Variants in TRPM4 observed in about 807,000 individuals in gnomAD.
TRPM4 encodes the protein calcium-activated non-selective cation channel 1.
In TRPM4, 124 loss-of-function variants were observed where a neutral mutation model predicts 135.6. The observed-to-expected ratio is 0.91, with a 90% CI of 0.79 to 1.06. The LOEUF (loss-of-function observed/expected upper bound fraction) is 1.06, where lower values mean the gene tolerates loss of function less well. Among genes scored for constraint, TRPM4 ranks in the 50% least tolerant of loss-of-function variants. The probability of loss-of-function intolerance (pLI) is 0.00; values close to 1 mark genes in which losing one functional copy is unlikely to be tolerated. For synonymous variants in TRPM4, 745 were observed against 705.6 expected (o/e 1.06, Z -0.88); for missense variants, 1,658 against 1,671.4 (o/e 0.99, Z 0.14).
intron 2 of TRPM4, among the ~76,000 whole-genome samples, chr19:49,164,233 CTCTCTT>C (rs1469666047): frequency 1.5e-4 from 22 of 150,244 alleles, no homozygotes; most frequent in South Asian, 8.4e-4. Flanking sequence ...TCTTTTCTCT[CTCTCTT>C]TCTTTCTTTC....
At chr19:49,205,701 A>G (rs982078871) in intron 20 of TRPM4, among the ~76,000 whole-genome samples, 7 of 151,250 alleles carry the variant, frequency 4.6e-5, no homozygotes, top group African/African-American at 1.5e-4. Context: ...ATACACAGCT[A>G]ATTTTTGTAT....
At chr19:49,157,972 C>T in intron 1 of TRPM4, 82 bp downstream of exon 1, 2 of 1,473,294 alleles carry the variant, frequency 1.4e-6, no homozygotes, top group Non-Finnish European at 1.8e-6. Flanking sequence ...CGCTGGACAC[C>T]CAGATTCCTG....
intron 17 of TRPM4, among the ~76,000 whole-genome samples, chr19:49,197,312 CTTTCTTTCTTTCTT>C (rs1968704453): frequency 2.1e-5 from 1 of 48,248 alleles, no homozygotes; most frequent in Non-Finnish European, 3.9e-5. Context: ...CTTTCTTTTT[CTTTCTTTCTTTCTT>C]TCTTTCTTTC....
rs1968312955 is a variant in TRPM4, at chr19:49,189,100, C to T, written c.2019+9C>T. The T allele has an allele frequency of 6.2e-7, 1 of 1,614,086 alleles. No homozygotes were observed. Among genetic ancestry groups the T allele is most frequent in the Non-Finnish European group, 8.5e-7 (1 of 1,180,012 alleles). ...CCCAGGATGGGGTACAGGTGAGTAT[C>T]TGCGACACCAACATCCCAAACAGTC... On this transcript the variant is annotated intron_variant, in intron 14 of 24. Transcript: ENST00000252826.
At chr19:49,172,541 C>A (rs1256783082) in intron 9 of TRPM4, among the ~76,000 whole-genome samples, 2 of 149,684 alleles carry the variant, frequency 1.3e-5, no homozygotes, top group East Asian at 4.1e-4. Flanking sequence ...CAATTCCATT[C>A]AGTCATTCTT....
intron 3 of TRPM4, among the ~76,000 whole-genome samples, chr19:49,167,479 G>A (rs1216302300): frequency 1.2e-4 from 15 of 121,736 alleles, no homozygotes; most frequent in African/African-American, 4.7e-4. Context: ...ATCTCTCTGG[G>A]TCTCTGTCCC....
At chr19:49,197,529 A>G (rs1476361922) in intron 17 of TRPM4, among the ~76,000 whole-genome samples, 1 of 110,508 alleles carries the variant, frequency 9.0e-6, no homozygotes, top group Non-Finnish European at 1.8e-5. Flanking sequence ...GCTTCCTTCC[A>G]TCCCTCCAAG....
chr19:49,182,481 C>CA, intron 10 of TRPM4, 97 bp from the exon 11 acceptor site: 1 of 892,154 alleles, frequency 1.1e-6, no homozygotes, highest in South Asian at 1.4e-5. Context: ...TCCATCCATC[C>CA]ATCCATCCAT....
At chr19:49,165,653 G>A (rs992728483) in intron 2 of TRPM4, among the ~76,000 whole-genome samples, 3 of 152,170 alleles carry the variant, frequency 2.0e-5, no homozygotes, top group African/African-American at 7.2e-5. Context: ...TCAGCCCCGA[G>A]CATGCGGGCT....
intron 14 of TRPM4, among the ~76,000 whole-genome samples, chr19:49,189,910 C>G (rs1161045463): frequency 6.6e-6 from 1 of 152,088 alleles, no homozygotes; most frequent in Non-Finnish European, 1.5e-5. Flanking sequence ...CTCATGTGTA[C>G]CAAGGAGGAG....
At chr19:49,204,552 T>C (rs1426537580) in intron 20 of TRPM4, among the ~76,000 whole-genome samples, 5 of 150,514 alleles carry the variant, frequency 3.3e-5, no homozygotes, top group East Asian at 2.0e-4. Context: ...CTGGGCAACA[T>C]AGCGAGGCTG....
chr19:49,163,768 TGTGC>T (rs1404159262), intron 2 of TRPM4, among the ~76,000 whole-genome samples: 1 of 152,212 alleles, frequency 6.6e-6, no homozygotes, highest in Non-Finnish European at 1.5e-5. Flanking sequence ...GTGCTTGGAT[TGTGC>T]CCAGCCGTCC....
In TRPM4 at chr19:49,211,607, GC is replaced by G; in HGVS notation, c.*113del. 7.0e-7 allele frequency: 1 copy of G among 1,425,136 alleles called. No homozygotes were observed. The allele number at this position is 1,425,136 out of a possible 1,614,324, so 88.3% of individuals were successfully genotyped here. ...CCTGGTGGCCTTGTCCTTGAGGTGA[GC>G]CCCATGTCCATCTGGGCCACTGTCA... is the stretch of plus-strand genomic sequence containing the variant. On this transcript the variant is annotated 3_prime_UTR_variant, in exon 25 of 25. Coordinates refer to ENST00000252826, the MANE Select transcript of TRPM4 (RefSeq NM_017636.4). This position sits in a 1 kb window ranked among gnomAD's most constrained non-coding sequence, Gnocchi z 4.8.
chr19:49,184,452 CTTTTTTTTT>C (rs67748057), intron 12 of TRPM4, among the ~76,000 whole-genome samples: 4 of 45,506 alleles, frequency 8.8e-5, no homozygotes, highest in South Asian at 1.1e-3. Context: ...TCTCTGTAGT[CTTTTTTTTT>C]TTTTTTTTTT....
rs900417587 is a variant in TRPM4, at chr19:49,171,849, G to A, written c.1050+80G>A. 2.0e-6 allele frequency: 3 copies of A among 1,506,100 alleles called. No individual in the cohort carries two copies. The highest frequency in any genetic ancestry group is 2.8e-5 in the African/African-American group (2 of 72,536). 93.3% of individuals were successfully genotyped at this position (1,506,100 alleles called of 1,614,324 possible). A position where few individuals can be genotyped will look rare whatever the true frequency, so the allele number is the denominator to read the frequency against. ...TGGGCTCCTGGGTCTGAGGGAGGAG[G>A]GGCTGGGGGCCTGGACTTCCAGGTT... On this transcript the variant is annotated intron_variant, in intron 8 of 24. Transcript: ENST00000252826. This position sits in a 1 kb window ranked among gnomAD's most constrained non-coding sequence, Gnocchi z 4.7.
rs1212432232 is a variant in TRPM4, at chr19:49,210,456, T to C, written c.3328+51T>C. The C allele has an allele frequency of 6.3e-7, 1 of 1,595,490 alleles. No individual in the cohort carries two copies. The highest frequency in any genetic ancestry group is 1.1e-5 in the South Asian group (1 of 90,602). On this transcript the variant is annotated intron_variant, in intron 21 of 24. Transcript: ENST00000252826. This position sits in a 1 kb window ranked among gnomAD's most constrained non-coding sequence, Gnocchi z 4.1. ...GGAGAAATATAGGGGACCGGGAGCC[T>C]GGAAGGCGAGGGGAAGGGGGCATGC... is the stretch of plus-strand genomic sequence containing the variant.
chr19:49,166,962 C>T (rs1266115858), intron 3 of TRPM4, among the ~76,000 whole-genome samples: 3 of 150,468 alleles, frequency 2.0e-5, no homozygotes, highest in African/African-American at 7.3e-5. Flanking sequence ...TTCCCCTTTT[C>T]TCTGGGTCTC....
At chr19:49,175,954 TTGTC>T (rs1371690076) in intron 9 of TRPM4, among the ~76,000 whole-genome samples, 3 of 110,108 alleles carry the variant, frequency 2.7e-5, no homozygotes, top group East Asian at 5.4e-4. Context: ...TAAAGAGTCT[TTGTC>T]TGTCGCCCAG....
intron 14 of TRPM4, 133 bp downstream of exon 14, chr19:49,189,224 C>T (rs1968319098): frequency 1.5e-6 from 2 of 1,334,614 alleles, no homozygotes; most frequent in Non-Finnish European, 2.1e-6. Flanking sequence ...CAGAAAGTCT[C>T]TCTTCTCTCT....
Sources: allele counts gnomAD v4.1 joint callset (sites outside exome capture counted in the v4.1 genomes callset), GRCh38; gene constraint gnomAD v4.1.1; non-coding constraint Gnocchi (gnomAD v3.1); transcripts MANE v1.5; gene names NCBI Gene and HGNC (gene_info 2026-07-23, HGNC 2026-07-21).